Variants in UGDH observed in about 807,000 individuals in gnomAD.
UGDH encodes the protein UDP-Glc dehydrogenase.
In UGDH, 38 loss-of-function variants were observed where a neutral mutation model predicts 50.6. The observed-to-expected ratio is 0.75, with a 90% CI of 0.58 to 0.98. UGDH has a LOEUF of 0.98. Among genes scored for constraint, UGDH ranks in the 50% least tolerant of loss-of-function variants. UGDH has a pLI of 0.00. For missense variants in UGDH, 465 were observed against 606.2 expected (o/e 0.77, Z 2.45); for synonymous variants, 168 against 199.9 (o/e 0.84, Z 1.35).
At chr4:39,504,332 AAACACATACATG>A (rs1745945362) in intron 10 of UGDH, 73 bp downstream of exon 10, 1 of 1,294,166 alleles carries the variant, frequency 7.7e-7, no homozygotes, top group East Asian at 2.4e-5. Flanking sequence ...AAAAACAAAA[AAACACATACATG>A]AACACATACT....
chr4:39,505,865 C>T (rs1746006215), intron 7 of UGDH, 117 bp from the exon 8 acceptor site: 1 of 1,035,834 alleles, frequency 9.7e-7, no homozygotes, highest in Non-Finnish European at 1.3e-6. Flanking sequence ...TACATATTAA[C>T]AAGAGGCAAA....
intron 1 of UGDH, among the ~76,000 whole-genome samples, chr4:39,523,152 T>C (rs1332910425): frequency 6.6e-6 from 1 of 152,000 alleles, no homozygotes; most frequent in East Asian, 1.9e-4. Context: ...GCCTCCTGGG[T>C]TTGATTCTCG....
At chr4:39,527,173 G>A in intron 1 of UGDH, 110 bp downstream of exon 1, 1 of 1,261,574 alleles carries the variant, frequency 7.9e-7, no homozygotes, top group Non-Finnish European at 1.0e-6. Flanking sequence ...ACCCAGCGCA[G>A]CGAGCGACCG....
intron 3 of UGDH, among the ~76,000 whole-genome samples, chr4:39,513,612 C>T (rs757274169): frequency 4.2e-5 from 6 of 143,700 alleles, no homozygotes; most frequent in Non-Finnish European, 7.5e-5. Context: ...TCTCGGCTCA[C>T]TGCAACCTCT....
intron 1 of UGDH, among the ~76,000 whole-genome samples, chr4:39,526,214 G>A (rs1256231183): frequency 1.3e-5 from 2 of 152,158 alleles, no homozygotes; most frequent in African/African-American, 4.8e-5. Flanking sequence ...TATTTAATCA[G>A]TAAGAAAGCC....
In UGDH at chr4:39,508,639, T is replaced by C. The variant is rs1273664472; in HGVS notation, c.833A>G (p.Gln278Arg). The C allele has an allele frequency of 6.2e-6, 10 of 1,603,246 alleles. No homozygotes were observed. The highest frequency in any genetic ancestry group is 8.5e-6 in the Non-Finnish European group (10 of 1,177,292). ...ATAAACCAAATTCAGAACATCCTTTTGGAAACAGCTCCCACCAAACCCTGC... is the reference window on the plus strand; with the variant it reads ...ATAAACCAAATTCAGAACATCCTTTCGGAAACAGCTCCCACCAAACCCTGC... The part of the protein sequence containing the change: ...ASVGFGGSCF[Q>R]KDVLNLVYLC... Residue 278 changes from glutamine to arginine, a missense_variant, in exon 7 of 12, where the codon CAA becomes CGA. Physicochemically the swap from Gln to Arg is conservative, Grantham distance 43 (BLOSUM62 1). Coordinates refer to ENST00000316423, the MANE Select transcript of UGDH (RefSeq NM_003359.4).
At chr4:39,525,921 A>G (rs1746870007) in intron 1 of UGDH, among the ~76,000 whole-genome samples, 1 of 152,210 alleles carries the variant, frequency 6.6e-6, no homozygotes, top group Non-Finnish European at 1.5e-5. Flanking sequence ...TTACCTCTGT[A>G]TTTTGGGAGA....
intron 11 of UGDH, 52 bp from the exon 12 acceptor site, chr4:39,500,305 G>A: frequency 1.7e-6 from 2 of 1,188,422 alleles, no homozygotes; most frequent in South Asian, 3.0e-5. Flanking sequence ...ATAAGTGTAA[G>A]AATTTATAAT....
At chr4:39,508,248 G>A (rs1048468642) in intron 7 of UGDH, among the ~76,000 whole-genome samples, 15 of 152,142 alleles carry the variant, frequency 9.9e-5, no homozygotes, top group Non-Finnish European at 1.8e-4. Flanking sequence ...TATTATGTCA[G>A]AGACAGGGTC....
Position 39,509,796 on chromosome 4 carries a change from G to T in UGDH, c.775C>A (p.Gln259Lys). 6.2e-7 allele frequency: 1 copy of T among 1,612,016 alleles called. No individual in the cohort carries two copies. ...TTTAGAAACTTGTTTCCAATTCTCTGGTCCATTCCAATCGCTGTTGCTACC... is the reference window on the plus strand; with the variant it reads ...TTTAGAAACTTGTTTCCAATTCTCTTGTCCATTCCAATCGCTGTTGCTACC... Reference protein sequence around the residue: ...EEVATAIGMDQRIGNKFLKAS... With the variant: ...EEVATAIGMDKRIGNKFLKAS... Residue 259 changes from glutamine to lysine, a missense_variant, in exon 6 of 12, where the codon CAG (glutamine) becomes AAG (lysine). Physicochemically the swap from Gln to Lys is moderately conservative, Grantham distance 53. Coordinates refer to ENST00000316423, the MANE Select transcript of UGDH (RefSeq NM_003359.4).
intron 2 of UGDH, among the ~76,000 whole-genome samples, chr4:39,518,009 AC>A (rs1353449063): frequency 6.6e-6 from 1 of 151,200 alleles, no homozygotes; most frequent in Non-Finnish European, 1.5e-5. Context: ...GCTCACTGCA[AC>A]CTCCCCCACC....
In UGDH at chr4:39,500,081, A is replaced by G; in HGVS notation, c.*62T>C. 4.2e-6 allele frequency: 4 copies of G among 959,366 alleles called. No homozygotes were observed. The highest frequency in any genetic ancestry group is 2.4e-5 in the Admixed American group (1 of 41,390). The allele number at this position is 959,366 out of a possible 1,614,324, so 59.4% of individuals were successfully genotyped here. On this transcript the variant is annotated 3_prime_UTR_variant, in exon 12 of 12. Coordinates refer to ENST00000316423, the MANE Select transcript of UGDH (RefSeq NM_003359.4). ...TCATTTACCATTTAATAGCAGATAG[A>G]TATTTGCTATCCTGAAGTACCAAAA...
chr4:39,518,909 T>A (rs1320775152), intron 2 of UGDH, among the ~76,000 whole-genome samples: 1 of 152,188 alleles, frequency 6.6e-6, no homozygotes, highest in Non-Finnish European at 1.5e-5. Context: ...GGTGTCATTA[T>A]TCTAATTTAT....
chr4:39,522,506 A>G (rs941768317), intron 1 of UGDH, among the ~76,000 whole-genome samples: 7 of 152,238 alleles, frequency 4.6e-5, no homozygotes, highest in Admixed American at 4.6e-4. Flanking sequence ...CCTGGCAAGA[A>G]GAATATCCCT....
Position 39,510,402 on chromosome 4 carries a change from C to G in UGDH, c.614G>C (p.Arg205Thr), listed in dbSNP as rs933655472. The change falls in exon 5 of 12, where the codon AGA becomes ACA. Residue 205 changes from arginine to threonine, a missense_variant. Coordinates refer to ENST00000316423, the MANE Select transcript of UGDH (RefSeq NM_003359.4). The part of the protein sequence containing the change: ...LCAVYEHWVP[R>T]EKILTTNTWS... ...AGTATTAGTGGTGAGGATCTTTTCTCTGGGAACCCAGTGCTCATATACAGC... is the reference window on the plus strand; with the variant it reads ...AGTATTAGTGGTGAGGATCTTTTCTGTGGGAACCCAGTGCTCATATACAGC... The G allele has an allele frequency of 1.2e-6, 2 of 1,614,162 alleles. No individual in the cohort carries two copies. Among genetic ancestry groups the G allele is most frequent in the Non-Finnish European group, 8.5e-7 (1 of 1,180,036 alleles).
chr4:39,517,084 C>T (rs1238716878), intron 2 of UGDH, among the ~76,000 whole-genome samples: 1 of 151,780 alleles, frequency 6.6e-6, no homozygotes, highest in Non-Finnish European at 1.5e-5. Context: ...TTATATGGTA[C>T]TTTTATTAGA....
chr4:39,500,161 G>T lies in UGDH; in HGVS notation c.1467C>A (p.Asn489Lys), dbSNP rs762039752. 9.5e-6 allele frequency: 15 copies of T among 1,585,048 alleles called. No individual in the cohort carries two copies. Among genetic ancestry groups the T allele is most frequent in the Non-Finnish European group, 1.2e-5 (14 of 1,163,348 alleles). Residue 489 changes from asparagine to lysine, a missense_variant, in exon 12 of 12, where the codon AAC becomes AAA. Coordinates refer to ENST00000316423, the MANE Select transcript of UGDH (RefSeq NM_003359.4). ...IPKFSLQDPPNKKPKV is the reference protein window; with the variant it reads ...IPKFSLQDPPKKKPKV ...GCAATCTCTACACTTTAGGTTTCTTGTTAGGTGGATCTTGAAGACTAAACT... is the reference window on the plus strand; with the variant it reads ...GCAATCTCTACACTTTAGGTTTCTTTTTAGGTGGATCTTGAAGACTAAACT...
In UGDH at chr4:39,521,613, A is replaced by C. The variant is rs563016557; in HGVS notation, c.-7-94T>G. 2.0e-4 allele frequency: 206 copies of C among 1,043,610 alleles called. 1 individual carries two copies. Among genetic ancestry groups the C allele is most frequent in the Non-Finnish European group, 2.6e-4 (201 of 775,624 alleles). The allele number at this position is 1,043,610 out of a possible 1,614,324, so 64.6% of individuals were successfully genotyped here. A position where few individuals can be genotyped will look rare whatever the true frequency, so the allele number is the denominator to read the frequency against. ...TAATTATACTTTATAAAAACTGTCA[A>C]GGTGACAGATATCTGGAAAGATTTC... On this transcript the variant is annotated intron_variant, in intron 1 of 11. Coordinates refer to ENST00000316423, the MANE Select transcript of UGDH (RefSeq NM_003359.4).
At chr4:39,525,937 A>G (rs1225607138) in intron 1 of UGDH, among the ~76,000 whole-genome samples, 1 of 152,216 alleles carries the variant, frequency 6.6e-6, no homozygotes, top group Non-Finnish European at 1.5e-5. Context: ...GGAGAGTCAC[A>G]ACAAACCAAA....
Sources: gnomAD v4.1 joint callset for allele counts (sites outside exome capture counted in the v4.1 genomes callset) on GRCh38, gnomAD v4.1.1 for gene constraint, MANE v1.5 for transcripts, NCBI Gene and HGNC (gene_info 2026-07-23, HGNC 2026-07-21) for gene names.